CELF5: variants seen among roughly 807,000 people sequenced by gnomAD.
The protein encoded by CELF5 is CUG-BP and ETR-3 like factor 5.
A neutral mutation model predicts 54.9 loss-of-function variants in CELF5; 6 were observed. That is an observed-to-expected ratio of 0.11 (90% CI 0.06 to 0.22). The LOEUF (loss-of-function observed/expected upper bound fraction) is 0.22, where lower values mean the gene tolerates loss of function less well. CELF5 is among the 10% of genes least tolerant of loss of function. The pLI, the probability that CELF5 is intolerant of heterozygous loss-of-function variation, is 1.00. For missense variants in CELF5, 401 were observed against 678.6 expected, an observed-to-expected ratio of 0.59 and a Z score of 4.54; for synonymous variants, 271 against 290.9, an observed-to-expected ratio of 0.93 and a Z score of 0.70.
chr19:3,235,646 G>GTGGATGGATGGATGGATGGA lies in CELF5; in HGVS notation c.259+10663_259+10682dup, dbSNP rs1273273181. 1.8e-4 allele frequency among the ~76,000 whole-genome samples: 8 copies of GTGGATGGATGGATGGATGGA among 44,644 alleles called. No homozygotes were observed. In the South Asian group the frequency reaches 4.4e-3, roughly 24 times the overall value. The allele number at this position is 44,644 out of a possible 152,430, so 29.3% of individuals were successfully genotyped here. A position where few individuals can be genotyped will look rare whatever the true frequency, so the allele number is the denominator to read the frequency against. The stretch of plus-strand genomic sequence containing the variant: ...GGTGGGTGGGTGGATGGGTGGATGA[G>GTGGATGGATGGATGGATGGA]TGGATGGATGGATGGATGGATGGAT... On this transcript the variant is annotated intron_variant, in intron 1 of 12. Transcript: ENST00000292672.
intron 2 of CELF5, among the ~76,000 whole-genome samples, chr19:3,262,383 A>G (rs1599434251): frequency 6.6e-6 from 1 of 152,056 alleles, no homozygotes. Flanking sequence ...TTAAACTTAA[A>G]CCACCACATG....
chr19:3,294,964 C>G (rs1188185155), intron 12 of CELF5: 1 of 152,228 alleles, frequency 6.6e-6, no homozygotes, highest in Non-Finnish European at 1.5e-5. Flanking sequence ...CCAGCCTGGC[C>G]GGGTGGAGTA....
chr19:3,264,120 G>T (rs113235054), intron 2 of CELF5, among the ~76,000 whole-genome samples: 19 of 151,836 alleles, frequency 1.3e-4, no homozygotes, highest in Non-Finnish European at 2.8e-4. Flanking sequence ...GCTTTTCTTC[G>T]TGGTTTTACT....
intron 1 of CELF5, among the ~76,000 whole-genome samples, chr19:3,248,884 TCC>T (rs1233752319): frequency 6.1e-5 from 8 of 131,636 alleles, no homozygotes; most frequent in South Asian, 2.9e-4. Context: ...CTTCCTTCCT[TCC>T]TTCCTTCCTT....
chr19:3,226,476 A>ACACACACACACACACACAC (rs1555715644), intron 1 of CELF5, among the ~76,000 whole-genome samples: 18 of 150,958 alleles, frequency 1.2e-4, no homozygotes, highest in Non-Finnish European at 1.3e-4. Context: ...ACACACACAC[A>ACACACACACACACACACAC]AAATTGGGCC....
chr19:3,285,076 T>A (rs909763246), intron 9 of CELF5, 112 bp downstream of exon 9: 28 of 807,086 alleles, frequency 3.5e-5, no homozygotes, highest in Non-Finnish European at 4.7e-5. Flanking sequence ...CCGCGCCTCC[T>A]ACCTCTGGCC....
rs58462515 is a variant in CELF5, at chr19:3,256,534, TTTATTATTATTATTATTATTA to T, written c.342+5489_342+5509del. On this transcript the variant is annotated intron_variant, in intron 2 of 12. Transcript: ENST00000292672. ...GCAATGACTCAGGACGGAGGTTTCA[TTTATTATTATTATTATTATTA>T]TTATTATTATTATTATTATTAATTT... Among the ~76,000 whole-genome samples the T allele has an allele frequency of 1.3e-4, 19 of 144,528 alleles. 1 individual carries two copies. Among genetic ancestry groups the T allele is most frequent in the African/African-American group, 4.1e-4 (16 of 39,446 alleles). 94.8% of individuals were successfully genotyped at this position (144,528 alleles called of 152,430 possible).
rs1428373523 is a variant in CELF5, at chr19:3,290,232, T to G, written c.1188T>G (p.Gly396=). 6.2e-7 allele frequency: 1 copy of G among 1,612,980 alleles called. No homozygotes were observed. Among genetic ancestry groups the G allele is most frequent in the Non-Finnish European group, 8.5e-7 (1 of 1,179,346 alleles). Reference sequence around the variant, plus strand: ...TGTCTTTCTCTCCCCCACCTGCAGGTCCCGAGGGCTGTAACCTGTTTATCT... The same window carrying G: ...TGTCTTTCTCTCCCCCACCTGCAGGGCCCGAGGGCTGTAACCTGTTTATCT... ...PPLLQQQQRE[G]PEGCNLFIYH... The change falls in exon 11 of 13, where the codon GGT becomes GGG. Residue 396 remains glycine, a splice_region_variant and synonymous_variant. Transcript: ENST00000292672.
At chr19:3,284,371 T>C (rs892681512) in intron 8 of CELF5, among the ~76,000 whole-genome samples, 1 of 152,132 alleles carries the variant, frequency 6.6e-6, no homozygotes, top group South Asian at 2.1e-4. Context: ...GGCAGAATTG[T>C]TTGGCTGAAT....
intron 1 of CELF5, among the ~76,000 whole-genome samples, chr19:3,239,393 C>G (rs1442927982): frequency 6.6e-6 from 1 of 152,062 alleles, no homozygotes; most frequent in East Asian, 1.9e-4. Flanking sequence ...GCCACCATGC[C>G]CGGCTAATTG....
At chr19:3,273,768 T>C in intron 2 of CELF5, 104 bp from the exon 3 acceptor site, 1 of 766,930 alleles carries the variant, frequency 1.3e-6, no homozygotes, top group Non-Finnish European at 2.3e-6. Context: ...TGAGGGCTGG[T>C]GGTGGGAGGT....
chr19:3,258,622 A>AT (rs2079764978), intron 2 of CELF5, among the ~76,000 whole-genome samples: 1 of 151,522 alleles, frequency 6.6e-6, no homozygotes, highest in Admixed American at 6.6e-5. Flanking sequence ...TTTTATTTTT[A>AT]TTTTTTAGAG....
Position 3,281,099 on chromosome 19 carries a change from C to T in CELF5, c.604-100C>T, listed in dbSNP as rs539468217. 1 of 1,397,036 alleles carries T rather than the reference C, an allele frequency of 7.2e-7. No homozygotes were observed. Among genetic ancestry groups the T allele is most frequent in the African/African-American group, 1.4e-5 (1 of 71,064 alleles). 86.5% of individuals were successfully genotyped at this position (1,397,036 alleles called of 1,614,324 possible). ...ATGGCTGACAGCCACTGGCATTACA[C>T]CCCTCACCCAGGAGGCCTGAGCTAA... On this transcript the variant is annotated intron_variant, in intron 5 of 12. Coordinates refer to ENST00000292672, the MANE Select transcript of CELF5 (RefSeq NM_021938.4). The surrounding 1 kb of genome is among the most constrained non-coding windows in gnomAD (Gnocchi z 6.5).
intron 1 of CELF5, among the ~76,000 whole-genome samples, chr19:3,242,393 G>A (rs1412436157): frequency 6.6e-6 from 1 of 152,098 alleles, no homozygotes; most frequent in African/African-American, 2.4e-5. Context: ...AAAATTGGCT[G>A]GGTGCAGTGA....
intron 10 of CELF5, among the ~76,000 whole-genome samples, chr19:3,287,135 G>C (rs1241700813): frequency 6.6e-6 from 1 of 151,820 alleles, no homozygotes; most frequent in African/African-American, 2.4e-5. Flanking sequence ...TTAGGATGGA[G>C]CTGCACGATG....
In CELF5 at chr19:3,293,341, G is replaced by A. The variant is rs138777689; in HGVS notation, c.1353G>A (p.Pro451=). The change falls in exon 12 of 13, where the codon CCG becomes CCA. Residue 451 remains proline, a synonymous_variant. Coordinates refer to ENST00000292672, the MANE Select transcript of CELF5 (RefSeq NM_021938.4). ...KCFGFVSFDN[P]ASAQAAIQAM... ...CAGGCTTCGTGAGCTTTGATAACCC[G>A]GCCAGCGCCCAGGCAGCCATCCAGG... 72 of 1,614,130 alleles carry A rather than the reference G, an allele frequency of 4.5e-5. No individual in the cohort carries two copies. The highest frequency in any genetic ancestry group is 3.3e-4 in the Middle Eastern group (2 of 6,062).
intron 2 of CELF5, among the ~76,000 whole-genome samples, chr19:3,251,386 G>A (rs903395280): frequency 6.6e-6 from 1 of 152,140 alleles, no homozygotes; most frequent in East Asian, 1.9e-4. Context: ...CAGGCAGAGG[G>A]CACAGCATGT....
In CELF5 at chr19:3,278,193, C is replaced by G. The variant is rs1312268959; in HGVS notation, c.603+83C>G. On this transcript the variant is annotated intron_variant, in intron 5 of 12. Coordinates refer to ENST00000292672, the MANE Select transcript of CELF5 (RefSeq NM_021938.4). This position sits in a 1 kb window ranked among gnomAD's most constrained non-coding sequence, Gnocchi z 4.5. ...AGGGATGAAACAGGCCATATTCCTA[C>G]CGTCGCTGTCATCCGGTAGCCCCTG... 4.1e-6 allele frequency: 4 copies of G among 973,724 alleles called. No homozygotes were observed. Among genetic ancestry groups the G allele is most frequent in the Non-Finnish European group, 4.7e-6 (3 of 644,732 alleles). 60.3% of individuals were successfully genotyped at this position (973,724 alleles called of 1,614,324 possible). A position where few individuals can be genotyped will look rare whatever the true frequency, so the allele number is the denominator to read the frequency against.
intron 4 of CELF5, among the ~76,000 whole-genome samples, chr19:3,276,683 G>T (rs1301102134): frequency 6.6e-6 from 1 of 151,850 alleles, no homozygotes; most frequent in Non-Finnish European, 1.5e-5. Flanking sequence ...AAGAGGGGCG[G>T]GGCTGCGGTG....
Sources: allele counts gnomAD v4.1 joint callset (sites outside exome capture counted in the v4.1 genomes callset), GRCh38; gene constraint gnomAD v4.1.1; non-coding constraint Gnocchi (gnomAD v3.1); transcripts MANE v1.5; gene names NCBI Gene and HGNC (gene_info 2026-07-23, HGNC 2026-07-21).